Variants in TENM4 observed in about 807,000 individuals in gnomAD.
The protein encoded by TENM4 is teneurin transmembrane protein 4, also known as teneurin-4.
TENM4 carries 82 observed loss-of-function variants against 243.3 expected under a neutral mutation model. That is an observed-to-expected ratio of 0.34 (90% confidence interval 0.28 to 0.40). TENM4 has a LOEUF of 0.40. Among genes scored for constraint, TENM4 ranks in the 10% least tolerant of loss-of-function variants. The pLI, the probability that TENM4 is intolerant of heterozygous loss-of-function variation, is 1.00. For missense variants in TENM4, 3,138 were observed against 3,673.3 expected, an observed-to-expected ratio of 0.85 and a Z score of 3.77; for synonymous variants, 1,412 against 1,456.3, an observed-to-expected ratio of 0.97 and a Z score of 0.69.
At chr11:79,085,501 A>T (rs1262995687) in intron 4 of TENM4, among the ~76,000 whole-genome samples, 2 of 151,956 alleles carry the variant, frequency 1.3e-5, no homozygotes, top group Non-Finnish European at 2.9e-5. Context: ...TCTAAGCCTC[A>T]ATTTCCTTAT....
At chr11:79,217,064 C>T (rs555957022) in intron 2 of TENM4, among the ~76,000 whole-genome samples, 2 of 152,210 alleles carry the variant, frequency 1.3e-5, no homozygotes, top group East Asian at 1.9e-4. Flanking sequence ...CACGTGAGGT[C>T]CTTTCTGGCC....
chr11:79,037,159 C>G (rs1391454421), intron 6 of TENM4, among the ~76,000 whole-genome samples: 1 of 152,054 alleles, frequency 6.6e-6, no homozygotes, highest in Non-Finnish European at 1.5e-5. Flanking sequence ...ACAGGAGGGA[C>G]AGCGTGGAGT....
chr11:78,944,426 C>G (rs1019990227), intron 6 of TENM4, among the ~76,000 whole-genome samples: 2 of 152,240 alleles, frequency 1.3e-5, no homozygotes, highest in South Asian at 2.1e-4. Flanking sequence ...TCTGAAGGAG[C>G]TGCCTTACTT....
chr11:78,993,324 A>AT (rs1467880779), intron 6 of TENM4, among the ~76,000 whole-genome samples: 1 of 151,830 alleles, frequency 6.6e-6, no homozygotes, highest in Non-Finnish European at 1.5e-5. Context: ...GCTTTTTAAG[A>AT]TTTTCTCTTT....
chr11:79,344,261 G>A (rs1857289633), intron 1 of TENM4, among the ~76,000 whole-genome samples: 1 of 152,210 alleles, frequency 6.6e-6, no homozygotes, highest in Non-Finnish European at 1.5e-5. Context: ...TCACACAGGT[G>A]GCAGAGGGGG....
intron 17 of TENM4, among the ~76,000 whole-genome samples, chr11:78,776,609 C>T (rs925748012): frequency 1.4e-4 from 21 of 152,192 alleles, no homozygotes; most frequent in African/African-American, 2.2e-4. Context: ...TGACACAGAT[C>T]TCTGAATTAT....
At chr11:79,176,779 G>T (rs186879987) in intron 3 of TENM4, among the ~76,000 whole-genome samples, 1 of 152,116 alleles carries the variant, frequency 6.6e-6, no homozygotes, top group African/African-American at 2.4e-5. Flanking sequence ...ATAATAATAT[G>T]GTATTTAGCA....
chr11:79,157,475 G>A (rs1862647002), intron 3 of TENM4, among the ~76,000 whole-genome samples: 2 of 152,106 alleles, frequency 1.3e-5, no homozygotes, highest in Admixed American at 6.5e-5. Flanking sequence ...CCTACAGCAT[G>A]CCTGGCTCTG....
At chr11:79,270,571 G>C (rs1040837431) in intron 2 of TENM4, among the ~76,000 whole-genome samples, 1 of 151,972 alleles carries the variant, frequency 6.6e-6, no homozygotes, top group African/African-American at 2.4e-5. Flanking sequence ...TCCTCTCACT[G>C]CTTCTCACTA....
In TENM4 at chr11:79,438,317, C is replaced by T. The variant is rs1270176579; in HGVS notation, c.-321+2192G>A. ...TATCAAAGCCCATCAACGTGATACA[C>T]AGGCTGCGGCGCTGGAGGGAAGCGG... On this transcript the variant is annotated intron_variant, in intron 1 of 33. Transcript: ENST00000278550. This position sits in a 1 kb window ranked among gnomAD's most constrained non-coding sequence, Gnocchi z 4.1. 6.6e-6 allele frequency among the ~76,000 whole-genome samples: 1 copy of T among 152,212 alleles called. No homozygotes were observed. The highest frequency in any genetic ancestry group is 6.5e-5 in the Admixed American group (1 of 15,284).
intron 18 of TENM4, among the ~76,000 whole-genome samples, chr11:78,769,900 G>A (rs1463559719): frequency 2.0e-5 from 3 of 152,186 alleles, no homozygotes; most frequent in Non-Finnish European, 4.4e-5. Flanking sequence ...CACACACTTG[G>A]CCTTTTAATT....
intron 19 of TENM4, chr11:78,749,291 T>C (rs563394288): frequency 6.6e-6 from 1 of 152,164 alleles, no homozygotes; most frequent in South Asian, 2.1e-4. Flanking sequence ...TGGCTGACAT[T>C]TTGGAGGAAG....
chr11:78,973,427 A>G (rs1283735403), intron 6 of TENM4, among the ~76,000 whole-genome samples: 1 of 152,218 alleles, frequency 6.6e-6, no homozygotes, highest in African/African-American at 2.4e-5. Flanking sequence ...CTAATGGCAA[A>G]TGATGCTTGG....
intron 2 of TENM4, among the ~76,000 whole-genome samples, chr11:79,284,229 C>A (rs1367975319): frequency 6.6e-6 from 1 of 152,070 alleles, no homozygotes. Context: ...TATGGAAATG[C>A]AAGGAACACA....
chr11:78,816,734 A>T (rs1238390386), intron 12 of TENM4, among the ~76,000 whole-genome samples: 1 of 152,242 alleles, frequency 6.6e-6, no homozygotes, highest in Admixed American at 6.5e-5. Flanking sequence ...CACAACTATA[A>T]GTCATGAAGC....
chr11:79,090,928 C>T (rs1022917956), intron 4 of TENM4, among the ~76,000 whole-genome samples: 1 of 152,176 alleles, frequency 6.6e-6, no homozygotes, highest in African/African-American at 2.4e-5. Flanking sequence ...CCAGATCCTG[C>T]TGAAGGGCTG....
chr11:79,007,365 C>A (rs1167977797), intron 6 of TENM4, among the ~76,000 whole-genome samples: 4 of 148,108 alleles, frequency 2.7e-5, no homozygotes, highest in Admixed American at 2.0e-4. Context: ...AATGAGAAAA[C>A]CAGAGCTGAG....
At chr11:78,686,915 C>T (rs1362710655) in intron 29 of TENM4, among the ~76,000 whole-genome samples, 1 of 152,204 alleles carries the variant, frequency 6.6e-6, no homozygotes, top group East Asian at 1.9e-4. Context: ...TAAGAATATA[C>T]AGACATTTAT....
intron 4 of TENM4, among the ~76,000 whole-genome samples, chr11:79,091,161 A>G (rs1860939340): frequency 6.6e-6 from 1 of 152,188 alleles, no homozygotes; most frequent in Admixed American, 6.5e-5. Context: ...TTCGAGTTTC[A>G]TTTAAGCAAT....
Sources: gnomAD v4.1 joint callset for allele counts (sites outside exome capture counted in the v4.1 genomes callset) on GRCh38, gnomAD v4.1.1 for gene constraint, Gnocchi (gnomAD v3.1) non-coding constraint, MANE v1.5 for transcripts, NCBI Gene and HGNC (gene_info 2026-07-23, HGNC 2026-07-21) for gene names.